ALDH1A2: variants seen among roughly 807,000 people sequenced by gnomAD.
ALDH1A2 encodes aldehyde dehydrogenase 1 family member A2.
ALDH1A2 carries 27 observed loss-of-function variants against 60.3 expected under a neutral mutation model. The observed-to-expected ratio is 0.45, with a 90% CI of 0.33 to 0.62. ALDH1A2 has a LOEUF of 0.62. Ranked by LOEUF, ALDH1A2 falls within the 20% of genes least tolerant of loss-of-function variation. The probability of loss-of-function intolerance (pLI) is 0.02; values close to 1 mark genes in which losing one functional copy is unlikely to be tolerated. For synonymous variants in ALDH1A2, 289 were observed against 232.4 expected (o/e 1.24, Z -2.21); for missense variants, 581 against 643.8 (o/e 0.90, Z 1.06).
intron 7 of ALDH1A2, chr15:57,990,137 A>G (rs80258058): frequency 1.4e-3 from 216 of 152,368 alleles, no homozygotes; most frequent in African/African-American, 4.9e-3. Context: ...AAGAACAAAC[A>G]TATTTTCAAA....
intron 1 of ALDH1A2, among the ~76,000 whole-genome samples, chr15:58,020,709 CATTTTCTTGATCAAATGTAGTA>C (rs1895903044): frequency 6.6e-6 from 1 of 152,034 alleles, no homozygotes; most frequent in African/African-American, 2.4e-5. Flanking sequence ...TATTTTCTTT[CATTTTCTTGATCAAATGTAGTA>C]TTTATTTGAT....
intron 1 of ALDH1A2, among the ~76,000 whole-genome samples, chr15:58,015,675 G>A (rs760445526): frequency 7.9e-5 from 12 of 152,150 alleles, no homozygotes; most frequent in Admixed American, 2.6e-4. Context: ...CAATAACCCC[G>A]TGAAGCAGGG....
At chr15:58,000,219 A>G (rs1339404726) in intron 4 of ALDH1A2, among the ~76,000 whole-genome samples, 3 of 151,968 alleles carry the variant, frequency 2.0e-5, no homozygotes. Context: ...AAAGGGCCCT[A>G]GACCTTGTAA....
At chr15:57,994,882 TA>T (rs1490872745) in intron 5 of ALDH1A2, among the ~76,000 whole-genome samples, 195 bp downstream of exon 5, 1 of 152,154 alleles carries the variant, frequency 6.6e-6, no homozygotes, top group Non-Finnish European at 1.5e-5. Flanking sequence ...CAACTCCTGG[TA>T]ACAGAGCTGA....
At chr15:57,974,945 T>C (rs1346372996) in intron 7 of ALDH1A2, among the ~76,000 whole-genome samples, 2 of 152,252 alleles carry the variant, frequency 1.3e-5, no homozygotes, top group South Asian at 2.1e-4. Flanking sequence ...AGAGAAGATA[T>C]GCTGTGGCAA....
At chr15:58,023,304 T>A (rs1248268460) in intron 1 of ALDH1A2, among the ~76,000 whole-genome samples, 1 of 152,188 alleles carries the variant, frequency 6.6e-6, no homozygotes, top group African/African-American at 2.4e-5. Flanking sequence ...ATTTAAAGAA[T>A]ATAAGCAAAG....
intron 1 of ALDH1A2, among the ~76,000 whole-genome samples, chr15:58,059,251 G>A (rs185213179): frequency 6.4e-4 from 97 of 152,234 alleles, no homozygotes; most frequent in African/African-American, 2.2e-3. Context: ...TCACCTCTAC[G>A]TGAATTAGAT....
intron 1 of ALDH1A2, among the ~76,000 whole-genome samples, chr15:58,027,729 G>A (rs1896117969): frequency 1.3e-5 from 2 of 152,024 alleles, no homozygotes; most frequent in African/African-American, 2.4e-5. Flanking sequence ...TGAAAACCAT[G>A]GCACCAGAAC....
chr15:58,015,102 A>G (rs534900996), intron 1 of ALDH1A2, among the ~76,000 whole-genome samples: 1 of 152,304 alleles, frequency 6.6e-6, no homozygotes, highest in African/African-American at 2.4e-5. Context: ...ACCTAAACTA[A>G]TATTTTTAGA....
intron 1 of ALDH1A2, among the ~76,000 whole-genome samples, chr15:58,018,863 C>A (rs12148281): frequency 0.46 from 69,234 of 151,842 alleles, 16,372 homozygotes; most frequent in Non-Finnish European, 0.53. Context: ...AAAATGAAAA[C>A]AACTGTTCCA....
intron 1 of ALDH1A2, 78 bp downstream of exon 1, chr15:58,065,432 CCCCGGCCCCGTCCCGCAGCCCTCA>C: frequency 9.5e-7 from 1 of 1,049,770 alleles, no homozygotes; most frequent in Non-Finnish European, 1.5e-6. Flanking sequence ...GCCCCGACGA[CCCCGGCCCCGTCCCGCAGCCCTCA>C]CCCGCTGAAG....
In ALDH1A2 at chr15:58,004,696, TGTGTGTGC is replaced by T. The variant is rs1265433594; in HGVS notation, c.493+5945_493+5952del. On this transcript the variant is annotated intron_variant, in intron 4 of 12. Transcript: ENST00000249750. ...TGGCTGTGTAGTATCCCATGATTTG[TGTGTGTGC>T]GTGTGTGTGTGTGTGTATATATATA... 7.9e-5 allele frequency among the ~76,000 whole-genome samples: 9 copies of T among 113,746 alleles called. No individual in the cohort carries two copies. In the East Asian group the frequency reaches 2.7e-3, roughly 35 times the overall value. The allele number at this position is 113,746 out of a possible 152,430, so 74.6% of individuals were successfully genotyped here. A position where few individuals can be genotyped will look rare whatever the true frequency, so the allele number is the denominator to read the frequency against.
At chr15:58,009,478 G>A (rs567301648) in intron 4 of ALDH1A2, among the ~76,000 whole-genome samples, 52 of 151,732 alleles carry the variant, frequency 3.4e-4, no homozygotes, top group Admixed American at 3.0e-3. Context: ...GAGACACTTC[G>A]AAGTCCTGAG....
At chr15:57,999,370 G>A (rs193049901) in intron 4 of ALDH1A2, among the ~76,000 whole-genome samples, 63 of 152,058 alleles carry the variant, frequency 4.1e-4, no homozygotes, top group African/African-American at 1.4e-3. Flanking sequence ...CCATTAAAAA[G>A]TGGGCAAAAG....
chr15:58,007,270 G>A (rs926620425), intron 4 of ALDH1A2, among the ~76,000 whole-genome samples: 38 of 151,952 alleles, frequency 2.5e-4, no homozygotes, highest in African/African-American at 7.2e-4. Context: ...TTCAGTGTTC[G>A]TGACAACTTT....
chr15:58,023,658 G>GGAAAAAAAAAAAA (rs775450508), intron 1 of ALDH1A2, among the ~76,000 whole-genome samples: 5 of 129,422 alleles, frequency 3.9e-5, no homozygotes, highest in African/African-American at 1.4e-4. Flanking sequence ...AAAGTGCTGG[G>GGAAAAAAAAAAAA]AAAAAAAAAA....
intron 1 of ALDH1A2, among the ~76,000 whole-genome samples, chr15:58,047,013 C>T (rs556458862): frequency 1.3e-4 from 20 of 152,114 alleles, no homozygotes; most frequent in African/African-American, 3.6e-4. Flanking sequence ...ACTTTTGCAA[C>T]AGGAAAACAA....
intron 1 of ALDH1A2, among the ~76,000 whole-genome samples, chr15:58,016,773 T>A (rs1342185927): frequency 6.6e-6 from 1 of 151,996 alleles, no homozygotes; most frequent in African/African-American, 2.4e-5. Flanking sequence ...GAAAAAAAAA[T>A]TACGAAATTG....
At position 58,000,401 on chromosome 15, in the gene ALDH1A2, T is replaced by TA. The variant is rs142293928; in HGVS notation, c.494-5263dup. On this transcript the variant is annotated intron_variant, in intron 4 of 12. Transcript: ENST00000249750. ...CCTACTATGAATTCCACTGAACTTC[T>TA]AAATCAGGGTTACCGTAAGACCAGT... Among the ~76,000 whole-genome samples, 787 of 152,006 alleles carry TA rather than the reference T, an allele frequency of 5.2e-3. 10 individuals carry two copies. Among genetic ancestry groups the TA allele is most frequent in the African/African-American group, 0.018 (757 of 41,484 alleles).
Sources: gnomAD v4.1 joint callset for allele counts (sites outside exome capture counted in the v4.1 genomes callset) on GRCh38, gnomAD v4.1.1 for gene constraint, MANE v1.5 for transcripts, NCBI Gene and HGNC (gene_info 2026-07-23, HGNC 2026-07-21) for gene names.